The following TASP1 variants were observed in gnomAD, a reference collection of about 807,000 sequenced individuals.
TASP1 encodes the protein threonine aspartase 1.
In TASP1, 16 loss-of-function variants were observed where a neutral mutation model predicts 56.6. The ratio of observed to expected loss-of-function variants is 0.28; its 90% CI spans 0.19 to 0.43. TASP1 has a LOEUF of 0.43. Ranked by LOEUF, TASP1 falls within the 20% of genes least tolerant of loss-of-function variation. The pLI is 1.00. For missense variants in TASP1, 393 were observed against 511.6 expected, an observed-to-expected ratio of 0.77 and a Z score of 2.24; for synonymous variants, 179 against 184.2, an observed-to-expected ratio of 0.97 and a Z score of 0.23.
the TASP1 span, among the ~76,000 whole-genome samples, chr20:13,175,776 CT>C: frequency 6.6e-6 from 1 of 152,206 alleles, no homozygotes; most frequent in Non-Finnish European, 1.5e-5. Context: ...TATTCTTCCA[CT>C]GGGTTCCCCA....
At chr20:13,519,006 C>CA (rs375526110) in intron 10 of TASP1, among the ~76,000 whole-genome samples, 1 of 151,558 alleles carries the variant, frequency 6.6e-6, no homozygotes, top group Non-Finnish European at 1.5e-5. Flanking sequence ...CAGAAAAGAA[C>CA]AAAAAAAATA....
At chr20:13,375,138 G>C in the TASP1 span, among the ~76,000 whole-genome samples, 3 of 152,090 alleles carry the variant, frequency 2.0e-5, no homozygotes, top group African/African-American at 7.2e-5. Flanking sequence ...GAATGTGCAG[G>C]TTTGTTACAT....
chr20:13,270,033 T>C, the TASP1 span, among the ~76,000 whole-genome samples: 3 of 152,102 alleles, frequency 2.0e-5, no homozygotes, highest in African/African-American at 2.4e-5. Context: ...GATGAATGTA[T>C]GTAATGAATA....
intron 11 of TASP1, among the ~76,000 whole-genome samples, chr20:13,473,093 T>C (rs1227374482): frequency 6.6e-6 from 1 of 152,062 alleles, no homozygotes; most frequent in African/African-American, 2.4e-5. Flanking sequence ...AACCCAAACA[T>C]CCATCAATGA....
intron 11 of TASP1, among the ~76,000 whole-genome samples, chr20:13,481,191 G>A (rs1057497293): frequency 4.6e-5 from 7 of 151,896 alleles, no homozygotes; most frequent in African/African-American, 1.7e-4. Context: ...TCTGTGCCTG[G>A]CTTATTTCAC....
the TASP1 span, among the ~76,000 whole-genome samples, chr20:13,123,013 A>G: frequency 6.6e-6 from 1 of 152,112 alleles, no homozygotes; most frequent in African/African-American, 2.4e-5. Context: ...TCCCAGTTCT[A>G]AGAATCTTTC....
chr20:13,486,056 C>T (rs1238271863), intron 10 of TASP1, among the ~76,000 whole-genome samples: 1 of 152,122 alleles, frequency 6.6e-6, no homozygotes, highest in African/African-American at 2.4e-5. Context: ...GACTTATACT[C>T]TCTGACATTG....
chr20:13,417,499 C>A lies in TASP1; in HGVS notation c.1119G>T (p.Thr373=), dbSNP rs1167815367. The stretch of plus-strand genomic sequence containing the variant: ...TATATCCGACACACATGCTCTCCGT[C>A]GTGTGGCTCCACAGAAATTCCACTG... The part of the protein sequence containing the change: ...TLLVEFLWSH[T]TESMCVGYMS... Residue 373 remains threonine (T), a synonymous_variant, in exon 13 of 14, where the codon ACG becomes ACT. Coordinates refer to ENST00000337743, the MANE Select transcript of TASP1 (RefSeq NM_017714.3). The A allele has an allele frequency of 6.2e-7, 1 of 1,614,148 alleles. No individual in the cohort carries two copies. Among genetic ancestry groups the A allele is most frequent in the Non-Finnish European group, 8.5e-7 (1 of 1,180,000 alleles).
chr20:13,561,235 A>C (rs1213449049), intron 7 of TASP1, among the ~76,000 whole-genome samples: 1 of 152,232 alleles, frequency 6.6e-6, no homozygotes, highest in Non-Finnish European at 1.5e-5. Context: ...AAATGAAAGA[A>C]CCTTAGACAG....
intron 10 of TASP1, among the ~76,000 whole-genome samples, chr20:13,485,451 T>A (rs1423101173): frequency 6.6e-6 from 1 of 152,056 alleles, no homozygotes; most frequent in Non-Finnish European, 1.5e-5. Context: ...ACAGGCCTTC[T>A]AAAAGAGAAA....
intron 11 of TASP1, among the ~76,000 whole-genome samples, chr20:13,442,192 T>C (rs1055436940): frequency 1.3e-5 from 2 of 152,060 alleles, no homozygotes; most frequent in African/African-American, 2.4e-5. Context: ...GATCCAGACT[T>C]TCTGGGGTAA....
the TASP1 span, among the ~76,000 whole-genome samples, chr20:13,362,393 G>A: frequency 1.3e-5 from 2 of 151,490 alleles, no homozygotes; most frequent in Admixed American, 6.6e-5. Context: ...AAGTGCAAAT[G>A]GCCGGTCCTT....
intron 8 of TASP1, among the ~76,000 whole-genome samples, chr20:13,554,873 C>T (rs2046102885): frequency 6.6e-6 from 1 of 152,136 alleles, no homozygotes; most frequent in African/African-American, 2.4e-5. Context: ...TGGCTGCTGA[C>T]TAATCAGGGT....
chr20:13,361,854 G>A, the TASP1 span, among the ~76,000 whole-genome samples: 1 of 152,002 alleles, frequency 6.6e-6, no homozygotes, highest in South Asian at 2.1e-4. Flanking sequence ...ATCTTTGCTG[G>A]CAGGACTATG....
chr20:13,314,318 ACC>A, the TASP1 span, among the ~76,000 whole-genome samples: 1 of 152,096 alleles, frequency 6.6e-6, no homozygotes, highest in African/African-American at 2.4e-5. Context: ...AAACCCCTAC[ACC>A]TAGGCATATG....
At chr20:13,303,207 C>G in the TASP1 span, among the ~76,000 whole-genome samples, 2 of 152,208 alleles carry the variant, frequency 1.3e-5, no homozygotes. Flanking sequence ...GCTCTTAAAC[C>G]TAACGCCTGT....
At chr20:13,122,216 G>A in the TASP1 span, among the ~76,000 whole-genome samples, 1 of 152,184 alleles carries the variant, frequency 6.6e-6, no homozygotes, top group African/African-American at 2.4e-5. Flanking sequence ...GAAGTGTAAA[G>A]CTCCATCCCT....
At chr20:13,608,274 C>T (rs986343012) in intron 4 of TASP1, among the ~76,000 whole-genome samples, 2 of 152,324 alleles carry the variant, frequency 1.3e-5, no homozygotes, top group Non-Finnish European at 2.9e-5. Flanking sequence ...AACTGTATTA[C>T]TGACTGAAAA....
the TASP1 span, among the ~76,000 whole-genome samples, chr20:13,287,938 G>T: frequency 7.2e-3 from 1,098 of 152,332 alleles, 17 homozygotes; most frequent in African/African-American, 0.025. Context: ...GGCAACAGCT[G>T]CATTCAGCTG....
Sources: gnomAD v4.1 joint callset for allele counts (sites outside exome capture counted in the v4.1 genomes callset) on GRCh38, gnomAD v4.1.1 for gene constraint, MANE v1.5 for transcripts, NCBI Gene and HGNC (gene_info 2026-07-23, HGNC 2026-07-21) for gene names.